Variants in PCDH15 observed in about 807,000 individuals in gnomAD.
The protein encoded by PCDH15 is protocadherin-15.
In PCDH15, 129 loss-of-function variants were observed where a neutral mutation model predicts 178.5. The observed-to-expected ratio is 0.72, with a 90% CI of 0.63 to 0.84. PCDH15 has a LOEUF of 0.84. Among genes scored for constraint, PCDH15 ranks in the 40% least tolerant of loss-of-function variants. The pLI, the probability that PCDH15 is intolerant of heterozygous loss-of-function variation, is 0.00. For synonymous variants in PCDH15, 800 were observed against 732.0 expected, an observed-to-expected ratio of 1.09 and a Z score of -1.50; for missense variants, 2,230 against 2,099.9, an observed-to-expected ratio of 1.06 and a Z score of -1.21.
chr10:55,267,612 A>T (rs1019589430), intron 1 of PCDH15, among the ~76,000 whole-genome samples: 5 of 152,194 alleles, frequency 3.3e-5, no homozygotes, highest in African/African-American at 1.2e-4. Context: ...CCTACAGTAA[A>T]GTAGCCTATA....
At chr10:54,153,327 G>A in intron 13 of PCDH15, 34 bp from the exon 14 acceptor site, 6 of 1,610,854 alleles carry the variant, frequency 3.7e-6, no homozygotes, top group Non-Finnish European at 5.1e-6. Flanking sequence ...AATCCTCTTG[G>A]GTCTCAACTT....
At chr10:55,347,525 T>A (rs1279204210) in intron 2 of PCDH15, among the ~76,000 whole-genome samples, 2 of 152,218 alleles carry the variant, frequency 1.3e-5, no homozygotes, top group African/African-American at 4.8e-5. Context: ...TATTTAATTC[T>A]TTTTAGGACA....
chr10:55,283,250 C>T (rs565081038), intron 1 of PCDH15, among the ~76,000 whole-genome samples: 91 of 152,174 alleles, frequency 6.0e-4, no homozygotes, highest in Non-Finnish European at 7.5e-4. Flanking sequence ...TCTCGTGGCC[C>T]TTACCCAAGA....
chr10:54,918,910 C>T (rs1222667560), intron 2 of PCDH15, among the ~76,000 whole-genome samples: 1 of 152,044 alleles, frequency 6.6e-6, no homozygotes, highest in East Asian at 1.9e-4. Context: ...GTGAGCCTAA[C>T]ATACCTTAAA....
chr10:53,887,925 A>G (rs1400763129), intron 26 of PCDH15, among the ~76,000 whole-genome samples: 1 of 152,004 alleles, frequency 6.6e-6, no homozygotes, highest in African/African-American at 2.4e-5. Context: ...ACAAAAAAAC[A>G]AAAACTAACT....
rs1233146654 is a variant in PCDH15, at chr10:53,905,681, T to TCC, written c.3374-2312_3374-2311insGG. Among the ~76,000 whole-genome samples, 4 of 152,264 alleles carry TCC rather than the reference T, an allele frequency of 2.6e-5. No homozygotes were observed. In the East Asian group the frequency reaches 7.7e-4, roughly 29 times the overall value. On this transcript the variant is annotated intron_variant, in intron 25 of 37. Transcript: ENST00000644397. ...ATGTGTATATTCATATCCATACTTATATGTATACTTTGTGCATATAAGTTT... is the reference window on the plus strand; with the variant it reads ...ATGTGTATATTCATATCCATACTTATCCATGTATACTTTGTGCATATAAGTTT...
At chr10:54,528,251 A>C (rs1230765075) in intron 2 of PCDH15, 22 of 814,318 alleles carry the variant, frequency 2.7e-5, no homozygotes, top group African/African-American at 5.2e-5. Context: ...AAACAAACAT[A>C]ATTGGACTTT....
intron 25 of PCDH15, among the ~76,000 whole-genome samples, chr10:53,934,628 A>T (rs1224077872): frequency 6.6e-6 from 1 of 152,112 alleles, no homozygotes; most frequent in African/African-American, 2.4e-5. Context: ...CGGAGATGTA[A>T]CATGTTAATG....
chr10:55,556,985 T>C (rs944737213), intron 2 of PCDH15, among the ~76,000 whole-genome samples: 4 of 152,214 alleles, frequency 2.6e-5, no homozygotes, highest in Non-Finnish European at 5.9e-5. Flanking sequence ...AGGGAAGGTT[T>C]CTTCACCTTA....
At chr10:54,630,144 TC>T (rs1252832406) in intron 2 of PCDH15, among the ~76,000 whole-genome samples, 1 of 152,046 alleles carries the variant, frequency 6.6e-6, no homozygotes, top group Admixed American at 6.6e-5. Context: ...ACTACGTTTT[TC>T]CCAGAACTAG....
intron 23 of PCDH15, among the ~76,000 whole-genome samples, chr10:53,948,925 C>T (rs758440260): frequency 1.3e-5 from 2 of 152,238 alleles, no homozygotes; most frequent in African/African-American, 2.4e-5. Context: ...TTAATGTATC[C>T]TACTGTATGT....
In PCDH15 at chr10:54,018,783, C is replaced by T. The variant is rs184459236; in HGVS notation, c.2751+1409G>A. 7.2e-5 allele frequency among the ~76,000 whole-genome samples: 11 copies of T among 152,162 alleles called. No individual in the cohort carries two copies. The East Asian group carries it at 2.1e-3, about 29-fold the overall frequency. ...TATTAAAAATGTCCACATCTTTCCA[C>T]ATTTTTCTATCTAAGCCCATAGATT... On this transcript the variant is annotated intron_variant, in intron 20 of 37. Transcript: ENST00000644397.
At chr10:54,585,125 C>T (rs1318117075) in intron 2 of PCDH15, among the ~76,000 whole-genome samples, 1 of 152,036 alleles carries the variant, frequency 6.6e-6, no homozygotes, top group African/African-American at 2.4e-5. Context: ...TTTATAGGCT[C>T]TTTAAGTCTC....
At chr10:54,064,537 A>C (rs1240155661) in intron 18 of PCDH15, among the ~76,000 whole-genome samples, 1 of 152,008 alleles carries the variant, frequency 6.6e-6, no homozygotes, top group Non-Finnish European at 1.5e-5. Context: ...CATGTTGTTC[A>C]TGGTGCCCAG....
At chr10:55,308,838 T>A (rs1843498912) in intron 1 of PCDH15, among the ~76,000 whole-genome samples, 1 of 152,174 alleles carries the variant, frequency 6.6e-6, no homozygotes, top group Non-Finnish European at 1.5e-5. Context: ...GATATTTACA[T>A]AGAATTATAA....
chr10:54,197,281 G>C (rs1178879776), intron 10 of PCDH15, among the ~76,000 whole-genome samples: 2 of 151,622 alleles, frequency 1.3e-5, no homozygotes, highest in African/African-American at 4.8e-5. Context: ...TGGTCATGCT[G>C]CACATAGGAA....
intron 3 of PCDH15, among the ~76,000 whole-genome samples, chr10:54,494,314 A>C (rs2079905998): frequency 1.3e-5 from 2 of 152,112 alleles, no homozygotes; most frequent in East Asian, 3.9e-4. Context: ...ACCCTTTCCC[A>C]TACAACTTAG....
chr10:54,766,422 G>C (rs1165355896), intron 1 of PCDH15, among the ~76,000 whole-genome samples: 1 of 151,640 alleles, frequency 6.6e-6, no homozygotes. Context: ...TTATATCAAC[G>C]CTTAATTACC....
intron 2 of PCDH15, among the ~76,000 whole-genome samples, chr10:55,350,257 A>ATATATATATATATATG (rs1233086885): frequency 3.0e-5 from 2 of 67,114 alleles, no homozygotes; most frequent in East Asian, 7.3e-4. Context: ...ATATATATAT[A>ATATATATATATATATG]TATATATATA....
Sources: gnomAD v4.1 joint callset for allele counts (sites outside exome capture counted in the v4.1 genomes callset) on GRCh38, gnomAD v4.1.1 for gene constraint, MANE v1.5 for transcripts, NCBI Gene and HGNC (gene_info 2026-07-23, HGNC 2026-07-21) for gene names.